Variants in JMJD1C observed in about 807,000 individuals in gnomAD.
JMJD1C encodes jumonji domain-containing protein 1C.
JMJD1C carries 31 observed loss-of-function variants against 245.3 expected under a neutral mutation model. The ratio of observed to expected loss-of-function variants is 0.13; its 90% CI spans 0.09 to 0.17. The LOEUF (loss-of-function observed/expected upper bound fraction) is 0.17, where lower values mean the gene tolerates loss of function less well. JMJD1C is among the 10% of genes least tolerant of loss of function. The pLI, the probability that JMJD1C is intolerant of heterozygous loss-of-function variation, is 1.00. For synonymous variants in JMJD1C, 1,057 were observed against 1,017.4 expected, an observed-to-expected ratio of 1.04 and a Z score of -0.74; for missense variants, 2,691 against 3,000.2, an observed-to-expected ratio of 0.90 and a Z score of 2.41.
chr10:63,490,003 AG>A (rs767222887), intron 1 of JMJD1C, among the ~76,000 whole-genome samples: 2 of 152,222 alleles, frequency 1.3e-5, no homozygotes, highest in Non-Finnish European at 2.9e-5. Flanking sequence ...CTGTGAACTG[AG>A]CACACGAAGG....
At chr10:63,296,011 A>ATTTTT in intron 2 of JMJD1C, among the ~76,000 whole-genome samples, 1 of 12,780 alleles carries the variant, frequency 7.8e-5, no homozygotes, top group Non-Finnish European at 2.0e-4. Flanking sequence ...GTGTATATAT[A>ATTTTT]TATTTTTTTT....
At chr10:63,373,465 C>G (rs1946473214) in intron 2 of JMJD1C, among the ~76,000 whole-genome samples, 1 of 152,140 alleles carries the variant, frequency 6.6e-6, no homozygotes, top group Admixed American at 6.5e-5. Flanking sequence ...GTCATGATCT[C>G]AAGAAACAGC....
chr10:63,395,923 A>G (rs1271062876), intron 1 of JMJD1C, among the ~76,000 whole-genome samples: 1 of 152,192 alleles, frequency 6.6e-6, no homozygotes, highest in Non-Finnish European at 1.5e-5. Context: ...TGAGAAAAAA[A>G]GACAGATGAA....
At chr10:63,400,289 G>A (rs949187248) in intron 1 of JMJD1C, among the ~76,000 whole-genome samples, 1 of 152,054 alleles carries the variant, frequency 6.6e-6, no homozygotes, top group Non-Finnish European at 1.5e-5. Context: ...GGATTTCCTA[G>A]ATCAAAGATG....
At chr10:63,519,285 A>C (rs1955128033) in intron 1 of JMJD1C, among the ~76,000 whole-genome samples, 1 of 152,236 alleles carries the variant, frequency 6.6e-6, no homozygotes, top group African/African-American at 2.4e-5. Context: ...CAACCCCTGA[A>C]GGCATTAATG....
chr10:63,323,612 A>G (rs1020735737), intron 2 of JMJD1C, among the ~76,000 whole-genome samples: 2 of 152,238 alleles, frequency 1.3e-5, no homozygotes, highest in Non-Finnish European at 2.9e-5. Flanking sequence ...AGTCATACTG[A>G]TAAGAGCACA....
At chr10:63,290,633 GAC>G (rs1260721042) in intron 2 of JMJD1C, among the ~76,000 whole-genome samples, 2 of 152,160 alleles carry the variant, frequency 1.3e-5, no homozygotes, top group African/African-American at 4.8e-5. Flanking sequence ...ACACTGGCAA[GAC>G]ACAAACAAAA....
At chr10:63,425,827 G>C (rs1950407070) in intron 1 of JMJD1C, among the ~76,000 whole-genome samples, 1 of 152,116 alleles carries the variant, frequency 6.6e-6, no homozygotes, top group Non-Finnish European at 1.5e-5. Flanking sequence ...CATTTTATAT[G>C]ACCGAATACT....
At position 63,172,159 on chromosome 10, in the gene JMJD1C, T is replaced by A. The variant is rs140131277; in HGVS notation, c.7402-3593A>T. Reference sequence around the variant, plus strand: ...TTTAGTGGCAGAGCTCAGAATATAATTTGTCAGTCTAGGTCATATATGCTG... The same window carrying A: ...TTTAGTGGCAGAGCTCAGAATATAAATTGTCAGTCTAGGTCATATATGCTG... On this transcript the variant is annotated intron_variant, in intron 24 of 25. Transcript: ENST00000399262. 3.2e-3 allele frequency among the ~76,000 whole-genome samples: 487 copies of A among 152,316 alleles called. 2 individuals carry two copies. The highest frequency in any genetic ancestry group is 0.011 in the African/African-American group (472 of 41,566).
At chr10:63,310,270 A>AGGG (rs1401751029) in intron 2 of JMJD1C, among the ~76,000 whole-genome samples, 1 of 152,216 alleles carries the variant, frequency 6.6e-6, no homozygotes, top group African/African-American at 2.4e-5. Flanking sequence ...AAAATCTCAA[A>AGGG]GGGGTTCCTT....
chr10:63,500,746 A>AGGATGGATGGAT (rs780486083), intron 1 of JMJD1C, among the ~76,000 whole-genome samples: 9,872 of 111,978 alleles, frequency 0.088, 614 homozygotes, highest in Admixed American at 0.21. Context: ...GATGGATGGA[A>AGGATGGATGGAT]GGATGGATGG....
chr10:63,197,310 A>G, intron 13 of JMJD1C, 101 bp downstream of exon 13: 2 of 1,001,174 alleles, frequency 2.0e-6, no homozygotes, highest in Non-Finnish European at 2.9e-6. Flanking sequence ...TAATACATTA[A>G]TAAGGAAAGT....
intron 1 of JMJD1C, among the ~76,000 whole-genome samples, chr10:63,461,342 C>G (rs1435137996): frequency 6.6e-6 from 1 of 152,048 alleles, no homozygotes; most frequent in Non-Finnish European, 1.5e-5. Context: ...ATTTTGTAAA[C>G]AGACCAGAAA....
intron 3 of JMJD1C, among the ~76,000 whole-genome samples, chr10:63,239,351 A>T (rs1020307734): frequency 6.6e-6 from 1 of 152,150 alleles, no homozygotes; most frequent in Admixed American, 6.5e-5. Context: ...ACGATAGAGG[A>T]GAAGGGACAG....
intron 1 of JMJD1C, among the ~76,000 whole-genome samples, chr10:63,511,438 G>A (rs965058291): frequency 8.5e-5 from 13 of 152,196 alleles, no homozygotes; most frequent in African/African-American, 2.9e-4. Flanking sequence ...TTGGCTAGGC[G>A]TGGTGGCTCA....
chr10:63,417,593 T>C (rs542187089), intron 1 of JMJD1C, among the ~76,000 whole-genome samples: 16 of 152,312 alleles, frequency 1.1e-4, no homozygotes, highest in African/African-American at 3.6e-4. Context: ...AATGTTAACA[T>C]TTTGATAACA....
At chr10:63,324,229 C>T (rs559604289) in intron 2 of JMJD1C, among the ~76,000 whole-genome samples, 1 of 151,862 alleles carries the variant, frequency 6.6e-6, no homozygotes, top group East Asian at 1.9e-4. Flanking sequence ...ATGCTTACAA[C>T]ATAAAATGAA....
intron 2 of JMJD1C, among the ~76,000 whole-genome samples, chr10:63,345,953 T>C (rs949470396): frequency 6.6e-6 from 1 of 152,198 alleles, no homozygotes; most frequent in East Asian, 1.9e-4. Context: ...ACCCAACTCT[T>C]AACCGTGGTT....
rs575884731 is a variant in JMJD1C at position 63,299,523 on chromosome 10, C to T, written c.334-34759G>A. 2.6e-5 allele frequency among the ~76,000 whole-genome samples: 4 copies of T among 152,140 alleles called. No homozygotes were observed. The South Asian group carries it at 8.3e-4, about 32-fold the overall frequency. On this transcript the variant is annotated intron_variant, in intron 2 of 25. Coordinates refer to ENST00000399262, the MANE Select transcript of JMJD1C (RefSeq NM_032776.3). ...TCTTATTATAGTTTCTCAGCAAGAC[C>T]ATTTAAAAATGGTTAATTAACAACA...
Sources: allele counts gnomAD v4.1 joint callset (sites outside exome capture counted in the v4.1 genomes callset), GRCh38; gene constraint gnomAD v4.1.1; transcripts MANE v1.5; gene names NCBI Gene and HGNC (gene_info 2026-07-23, HGNC 2026-07-21).